The following SLC26A5 variants were observed in gnomAD, a reference collection of about 807,000 sequenced individuals.
SLC26A5 encodes prestin.
A neutral mutation model predicts 81.0 loss-of-function variants in SLC26A5; 51 were observed. The ratio of observed to expected loss-of-function variants is 0.63; its 90% CI spans 0.50 to 0.80. The LOEUF (loss-of-function observed/expected upper bound fraction) is 0.80, where lower values mean the gene tolerates loss of function less well. Among genes scored for constraint, SLC26A5 ranks in the 30% least tolerant of loss-of-function variants. The pLI is 0.00. For missense variants in SLC26A5, 771 were observed against 905.8 expected, an observed-to-expected ratio of 0.85 and a Z score of 1.91; for synonymous variants, 325 against 332.8, an observed-to-expected ratio of 0.98 and a Z score of 0.25.
chr7:103,376,798 G>T lies in SLC26A5; in HGVS notation c.2041+10C>A. 1 of 1,583,762 alleles carries T rather than the reference G, an allele frequency of 6.3e-7. No individual in the cohort carries two copies. Among genetic ancestry groups the T allele is most frequent in the Non-Finnish European group, 8.7e-7 (1 of 1,153,780 alleles). On this transcript the variant is annotated intron_variant, in intron 19 of 19. Transcript: ENST00000306312. ...TATTAAGCTTCACCCCATCTTAGAG[G>T]TATACTCACCACTGCATCCTGCTAA...
At chr7:103,386,041 C>T (rs982083952) in intron 14 of SLC26A5, among the ~76,000 whole-genome samples, 1 of 151,788 alleles carries the variant, frequency 6.6e-6, no homozygotes, top group Admixed American at 6.6e-5. Flanking sequence ...GATTCTCCTG[C>T]CTCAGCCTCC....
chr7:103,365,354 A>T (rs1309969412), intron 19 of SLC26A5, among the ~76,000 whole-genome samples: 2 of 152,160 alleles, frequency 1.3e-5, no homozygotes, highest in Non-Finnish European at 2.9e-5. Flanking sequence ...TAGATAGGCC[A>T]GGCACGGTGG....
chr7:103,364,970 TA>T (rs1467134573), intron 19 of SLC26A5, among the ~76,000 whole-genome samples: 11 of 144,466 alleles, frequency 7.6e-5, no homozygotes, highest in African/African-American at 2.8e-4. Context: ...TATATATATA[TA>T]TATATATATA....
chr7:103,393,632 G>C (rs1445802109), intron 9 of SLC26A5, among the ~76,000 whole-genome samples: 1 of 151,928 alleles, frequency 6.6e-6, no homozygotes, highest in Non-Finnish European at 1.5e-5. Context: ...CATGGGAAAG[G>C]AGCAGCAGAA....
At chr7:103,388,507 T>A (rs761103663) in intron 14 of SLC26A5, 10 of 223,876 alleles carry the variant, frequency 4.5e-5, no homozygotes, top group African/African-American at 1.4e-4. Context: ...AACCATATAT[T>A]TTTTTAATTT....
chr7:103,421,128 C>G (rs1825312152), intron 3 of SLC26A5, among the ~76,000 whole-genome samples: 1 of 152,110 alleles, frequency 6.6e-6, no homozygotes, highest in African/African-American at 2.4e-5. Flanking sequence ...GTTATGTTAA[C>G]ATTTACACAG....
chr7:103,411,336 G>T, intron 6 of SLC26A5, 84 bp downstream of exon 6: 1 of 1,532,270 alleles, frequency 6.5e-7, no homozygotes, highest in Non-Finnish European at 8.9e-7. Context: ...CATCCACCGT[G>T]TAGTAAGACC....
intron 9 of SLC26A5, among the ~76,000 whole-genome samples, 185 bp from the exon 10 acceptor site, chr7:103,393,251 G>A (rs1702205218): frequency 6.6e-6 from 1 of 152,202 alleles, no homozygotes; most frequent in African/African-American, 2.4e-5. Flanking sequence ...TTCTTTTCAG[G>A]CTCAAACTGC....
rs149682167 is a variant in SLC26A5, at chr7:103,436,146, T to A, written c.-54+6937A>T. Among the ~76,000 whole-genome samples, 262 of 152,304 alleles carry A rather than the reference T, an allele frequency of 1.7e-3. 2 individuals are homozygous for A. The highest frequency in any genetic ancestry group is 1.5e-3 in the Non-Finnish European group (102 of 68,028). Reference sequence around the variant, plus strand: ...TCTAAAATTTCCATAGTAGGCACTATTATTTTAGCAACACACATTATAAGC... The same window carrying A: ...TCTAAAATTTCCATAGTAGGCACTAATATTTTAGCAACACACATTATAAGC... On this transcript the variant is annotated intron_variant, in intron 2 of 19. Coordinates refer to ENST00000306312, the MANE Select transcript of SLC26A5 (RefSeq NM_198999.3).
downstream of SLC26A5, among the ~76,000 whole-genome samples, chr7:103,370,932 G>GC (rs1820997355): frequency 1.3e-5 from 2 of 152,220 alleles, no homozygotes; most frequent in South Asian, 4.1e-4. Flanking sequence ...TGTAGATTAT[G>GC]CCCATTTTGA....
chr7:103,415,208 G>A (rs1824810115), intron 4 of SLC26A5, among the ~76,000 whole-genome samples: 2 of 152,156 alleles, frequency 1.3e-5, no homozygotes, highest in South Asian at 2.1e-4. Flanking sequence ...ATGGTCACTC[G>A]AATGTTGTTA....
At chr7:103,444,596 C>G (rs1426592207) in intron 1 of SLC26A5, among the ~76,000 whole-genome samples, 1 of 152,220 alleles carries the variant, frequency 6.6e-6, no homozygotes, top group Non-Finnish European at 1.5e-5. Flanking sequence ...CACTCAAATA[C>G]TTGTTGGATT....
chr7:103,388,062 GT>G (rs1049952265), intron 14 of SLC26A5, among the ~76,000 whole-genome samples: 13 of 151,734 alleles, frequency 8.6e-5, no homozygotes, highest in African/African-American at 3.1e-4. Context: ...TTGTTTGTTT[GT>G]TTTTTGTTAG....
intron 9 of SLC26A5, among the ~76,000 whole-genome samples, chr7:103,397,232 C>A (rs1339741549): frequency 6.6e-6 from 1 of 151,644 alleles, no homozygotes; most frequent in Admixed American, 6.6e-5. Context: ...CATGGAGAAA[C>A]CCTGTCTCTA....
In SLC26A5 at chr7:103,410,553, T is replaced by A; in HGVS notation, c.571-4A>T. ...ACCTACAGACACCTAGGCAAAACTA[T>A]TTTTTTTTAATGACAAAGAAACAAA... On this transcript the variant is annotated splice_polypyrimidine_tract_variant and splice_region_variant and intron_variant, in intron 6 of 19. Coordinates refer to ENST00000306312, the MANE Select transcript of SLC26A5 (RefSeq NM_198999.3). 1.3e-6 allele frequency: 2 copies of A among 1,503,930 alleles called. No individual in the cohort carries two copies. The highest frequency in any genetic ancestry group is 1.8e-6 in the Non-Finnish European group (2 of 1,096,606). 93.2% of individuals were successfully genotyped at this position (1,503,930 alleles called of 1,614,324 possible).
intron 19 of SLC26A5, among the ~76,000 whole-genome samples, chr7:103,359,288 G>A (rs1820237277): frequency 6.6e-6 from 1 of 151,356 alleles, no homozygotes; most frequent in Admixed American, 6.6e-5. Context: ...GTGAGCCACC[G>A]TGCCCAGCCA....
At chr7:103,356,135 T>A (rs1432559401) in intron 19 of SLC26A5, among the ~76,000 whole-genome samples, 3 of 152,148 alleles carry the variant, frequency 2.0e-5, no homozygotes, top group Non-Finnish European at 2.9e-5. Flanking sequence ...TGTATTTGCA[T>A]GCAAAGAAAC....
chr7:103,366,003 G>GAAGCAT (rs1820700875), intron 19 of SLC26A5: 1 of 1,193,270 alleles, frequency 8.4e-7, no homozygotes, highest in African/African-American at 1.6e-5. Flanking sequence ...TGAAAAGTTT[G>GAAGCAT]AAGCATAACT....
chr7:103,389,198 T>C, intron 13 of SLC26A5, 84 bp from the exon 14 acceptor site: 1 of 1,209,762 alleles, frequency 8.3e-7, no homozygotes, highest in South Asian at 1.2e-5. Flanking sequence ...CACACACACA[T>C]GCTACTTTTA....
Sources: allele counts gnomAD v4.1 joint callset (sites outside exome capture counted in the v4.1 genomes callset), GRCh38; gene constraint gnomAD v4.1.1; transcripts MANE v1.5; gene names NCBI Gene and HGNC (gene_info 2026-07-23, HGNC 2026-07-21).